PPP2R2C: variants seen among roughly 807,000 people sequenced by gnomAD.
PPP2R2C encodes the protein protein phosphatase 2, regulatory subunit B, gamma.
Under a neutral mutation model 45.3 loss-of-function variants are expected in PPP2R2C, and 10 were observed. That is an observed-to-expected ratio of 0.22 (90% CI 0.14 to 0.37). The LOEUF is 0.37. Ranked by LOEUF, PPP2R2C falls within the 10% of genes least tolerant of loss-of-function variation. The pLI is 1.00. For synonymous variants in PPP2R2C, 257 were observed against 245.4 expected (o/e 1.05, Z -0.44); for missense variants, 308 against 619.7 (o/e 0.50, Z 5.34).
chr4:6,549,126 C>A (rs1472669329), intron 1 of PPP2R2C, among the ~76,000 whole-genome samples: 2 of 152,184 alleles, frequency 1.3e-5, no homozygotes, highest in Non-Finnish European at 2.9e-5. Context: ...TCTAAGCCAC[C>A]ATCATTGCTC....
intron 1 of PPP2R2C, among the ~76,000 whole-genome samples, chr4:6,542,206 G>A (rs1470344666): frequency 6.6e-6 from 1 of 152,154 alleles, no homozygotes; most frequent in Non-Finnish European, 1.5e-5. Flanking sequence ...ATAACCCCTG[G>A]AGATCTGCAC....
At chr4:6,354,337 G>A (rs550307714) in intron 5 of PPP2R2C, among the ~76,000 whole-genome samples, 5 of 152,140 alleles carry the variant, frequency 3.3e-5, no homozygotes, top group East Asian at 3.9e-4. Flanking sequence ...CCAGCAGTTC[G>A]AAGTTGCCGG....
At chr4:6,339,577 TG>T (rs1306098914) in intron 6 of PPP2R2C, among the ~76,000 whole-genome samples, 3 of 152,204 alleles carry the variant, frequency 2.0e-5, no homozygotes, top group African/African-American at 7.2e-5. Flanking sequence ...GACACTCCTC[TG>T]GGGCTGGGGT....
intron 1 of PPP2R2C, among the ~76,000 whole-genome samples, chr4:6,544,073 A>G (rs1411584140): frequency 6.6e-6 from 1 of 151,824 alleles, no homozygotes; most frequent in Non-Finnish European, 1.5e-5. Flanking sequence ...AACCATCCTC[A>G]CCCTGGCCCC....
chr4:6,495,927 C>A (rs151090945), intron 2 of PPP2R2C, among the ~76,000 whole-genome samples: 3 of 152,312 alleles, frequency 2.0e-5, no homozygotes, highest in South Asian at 2.1e-4. Context: ...AGGGCCAGTG[C>A]CTTCCAGAAG....
At chr4:6,546,745 T>A (rs970442860) in intron 1 of PPP2R2C, among the ~76,000 whole-genome samples, 1 of 152,234 alleles carries the variant, frequency 6.6e-6, no homozygotes, top group Non-Finnish European at 1.5e-5. Context: ...GGGCCCATCA[T>A]GTGCTCCACC....
intron 1 of PPP2R2C, among the ~76,000 whole-genome samples, chr4:6,469,247 C>T (rs1350537623): frequency 6.6e-6 from 1 of 152,034 alleles, no homozygotes; most frequent in Non-Finnish European, 1.5e-5. Context: ...GGACATGGGG[C>T]CCAAAGGATG....
intron 1 of PPP2R2C, among the ~76,000 whole-genome samples, chr4:6,413,554 C>T (rs930196362): frequency 6.6e-6 from 1 of 152,168 alleles, no homozygotes; most frequent in Non-Finnish European, 1.5e-5. Flanking sequence ...GGGTGTGCAT[C>T]CCAGAGGCTG....
In PPP2R2C at chr4:6,363,439, C is replaced by T. The variant is rs181072068; in HGVS notation, c.625+9084G>A. Among the ~76,000 whole-genome samples the T allele has an allele frequency of 3.9e-3, 591 of 152,016 alleles. 6 individuals are homozygous for T. Among genetic ancestry groups the T allele is most frequent in the African/African-American group, 0.013 (552 of 41,484 alleles). On this transcript the variant is annotated intron_variant, in intron 5 of 8. Transcript: ENST00000382599. ...TAAAAAATACAAAAAATTAGCCGGG[C>T]GTGGTGGCGGGCACCTGTAGCCCCA...
At chr4:6,546,219 T>C (rs1195508732) in intron 1 of PPP2R2C, among the ~76,000 whole-genome samples, 1 of 152,166 alleles carries the variant, frequency 6.6e-6, no homozygotes, top group East Asian at 1.9e-4. Flanking sequence ...GTTTCAAGTG[T>C]GGCTGCAGTA....
At chr4:6,390,020 C>T (rs1716491467) in intron 1 of PPP2R2C, among the ~76,000 whole-genome samples, 1 of 152,118 alleles carries the variant, frequency 6.6e-6, no homozygotes, top group Non-Finnish European at 1.5e-5. Flanking sequence ...GAAAGAGACC[C>T]TCAAAAGGCC....
chr4:6,389,135 T>C (rs901358345), intron 1 of PPP2R2C, among the ~76,000 whole-genome samples: 2 of 152,230 alleles, frequency 1.3e-5, no homozygotes, highest in African/African-American at 4.8e-5. Context: ...GAGCCCTGAC[T>C]GCCTCATGGA....
intron 6 of PPP2R2C, among the ~76,000 whole-genome samples, chr4:6,336,654 TC>T (rs1560453158): frequency 0.011 from 58 of 5,312 alleles, 2 homozygotes; most frequent in East Asian, 0.029. Context: ...CCTCCCTCCC[TC>T]CCTCCCTCCC....
intron 1 of PPP2R2C, among the ~76,000 whole-genome samples, chr4:6,415,762 C>T (rs1257996736): frequency 6.6e-6 from 1 of 152,216 alleles, no homozygotes; most frequent in African/African-American, 2.4e-5. Flanking sequence ...CCAGTCTAAC[C>T]CTCTCTGGTG....
chr4:6,484,528 T>G (rs1358281325), intron 2 of PPP2R2C, among the ~76,000 whole-genome samples: 1 of 151,064 alleles, frequency 6.6e-6, no homozygotes, highest in Non-Finnish European at 1.5e-5. Context: ...AAAAAAAACC[T>G]GTTCAGATAT....
chr4:6,502,439 G>A (rs572123170), intron 2 of PPP2R2C, among the ~76,000 whole-genome samples: 3 of 152,086 alleles, frequency 2.0e-5, no homozygotes, highest in African/African-American at 4.8e-5. Context: ...CCTCAGCCCC[G>A]GGTGAGTCCC....
intron 1 of PPP2R2C, among the ~76,000 whole-genome samples, chr4:6,467,859 C>T (rs1281792150): frequency 1.3e-5 from 2 of 152,120 alleles, no homozygotes; most frequent in African/African-American, 2.4e-5. Flanking sequence ...AAGACTTGCT[C>T]CCCTCATGGT....
intron 1 of PPP2R2C, chr4:6,384,333 T>A: frequency 1.0e-6 from 1 of 985,434 alleles, no homozygotes; most frequent in South Asian, 4.7e-5. Context: ...CCATGTGAAA[T>A]AAGCAAAGAA....
At chr4:6,512,347 GTGATGGTGC>G (rs1723640820) in intron 2 of PPP2R2C, among the ~76,000 whole-genome samples, 1 of 111,464 alleles carries the variant, frequency 9.0e-6, no homozygotes, top group Non-Finnish European at 1.9e-5. Context: ...GGTGATGGTG[GTGATGGTGC>G]TGATGGTGGT....
Sources: gnomAD v4.1 joint callset for allele counts (sites outside exome capture counted in the v4.1 genomes callset) on GRCh38, gnomAD v4.1.1 for gene constraint, MANE v1.5 for transcripts, NCBI Gene and HGNC (gene_info 2026-07-23, HGNC 2026-07-21) for gene names.